Variants in HS1BP3 observed in about 807,000 individuals in gnomAD.
The protein encoded by HS1BP3 is HCLS1 binding protein 3, also known as HCLS1-binding protein 3.
In HS1BP3, 32 loss-of-function variants were observed where a neutral mutation model predicts 33.5. That is an observed-to-expected ratio of 0.95 (90% CI 0.72 to 1.28). The LOEUF is 1.28. Among genes scored for constraint, HS1BP3 ranks in the 50% most tolerant of loss-of-function variants. The pLI, the probability that HS1BP3 is intolerant of heterozygous loss-of-function variation, is 0.00. For synonymous variants in HS1BP3, 187 were observed against 209.2 expected (o/e 0.89, Z 0.92); for missense variants, 486 against 502.3 (o/e 0.97, Z 0.31).
intron 2 of HS1BP3, among the ~76,000 whole-genome samples, chr2:20,607,679 A>G (rs959322750): frequency 6.6e-6 from 1 of 152,226 alleles, no homozygotes; most frequent in African/African-American, 2.4e-5. Context: ...GAAATTGGGA[A>G]GTATAAGTCC....
At chr2:20,621,557 T>A (rs952145482) in intron 6 of HS1BP3, among the ~76,000 whole-genome samples, 1 of 152,012 alleles carries the variant, frequency 6.6e-6, no homozygotes, top group African/African-American at 2.4e-5. Flanking sequence ...CTTCCTTGAC[T>A]CCCCCAGGGC....
At chr2:20,604,065 C>A (rs1224241428) in intron 2 of HS1BP3, among the ~76,000 whole-genome samples, 2 of 152,176 alleles carry the variant, frequency 1.3e-5, no homozygotes, top group South Asian at 4.1e-4. Flanking sequence ...ATGAGTGGGG[C>A]CTGCAGATTC....
chr2:20,634,430 C>G (rs1695059251), intron 4 of HS1BP3, among the ~76,000 whole-genome samples: 2 of 152,230 alleles, frequency 1.3e-5, no homozygotes, highest in Admixed American at 1.3e-4. Flanking sequence ...CTCTGTTGCA[C>G]TGGTGGCATC....
chr2:20,593,600 T>C (rs546896867), intron 3 of HS1BP3, among the ~76,000 whole-genome samples: 14 of 152,240 alleles, frequency 9.2e-5, no homozygotes, highest in Admixed American at 2.0e-4. Flanking sequence ...CTGGTGATCC[T>C]CTTTTTCGAG....
downstream of HS1BP3, among the ~76,000 whole-genome samples, chr2:20,589,501 T>C (rs1479983974): frequency 6.6e-6 from 1 of 152,228 alleles, no homozygotes; most frequent in Non-Finnish European, 1.5e-5. Flanking sequence ...AGATCAGACC[T>C]GGCATTGGTT....
downstream of HS1BP3, among the ~76,000 whole-genome samples, chr2:20,616,763 C>T (rs949787014): frequency 6.6e-6 from 1 of 152,072 alleles, no homozygotes; most frequent in African/African-American, 2.4e-5. Context: ...ACAATCCTCT[C>T]CCCCTCTCCC....
intron 3 of HS1BP3, 63 bp from the exon 4 acceptor site, chr2:20,638,715 GC>G: frequency 7.8e-7 from 1 of 1,289,226 alleles, no homozygotes; most frequent in Non-Finnish European, 1.1e-6. Context: ...GAGGCATCTT[GC>G]CACACTGCAC....
the HS1BP3 span, among the ~76,000 whole-genome samples, chr2:20,554,406 TAACA>T: frequency 5.0e-4 from 76 of 152,268 alleles, no homozygotes; most frequent in African/African-American, 1.8e-3. Flanking sequence ...CATCACTGTC[TAACA>T]AACACGCACA....
rs753102254 is a variant in HS1BP3, at chr2:20,638,436, C to T, written c.623G>A (p.Arg208His). 5.0e-6 allele frequency: 8 copies of T among 1,613,738 alleles called. No homozygotes were observed. The Admixed American group carries it at 6.7e-5, about 13-fold the overall frequency. Reference sequence around the variant, plus strand: ...GCCCTCTCAACAACAGGAGACCAACCGCATAATGCCCAGAGGGTCCAGCGC... The same window carrying T: ...GCCCTCTCAACAACAGGAGACCAACTGCATAATGCCCAGAGGGTCCAGCGC... ...EEALDPLGIM[R>H]SKKPKKHPKV... The change falls in exon 4 of 7, where the codon CGC becomes CAC. Residue 208 changes from arginine to histidine, a missense_variant and splice_region_variant. Arg to His is a conservative substitution (Grantham distance 29, BLOSUM62 0). Transcript: ENST00000304031.
intron 5 of HS1BP3, among the ~76,000 whole-genome samples, chr2:20,574,683 G>T (rs1693357329): frequency 6.6e-6 from 1 of 152,204 alleles, no homozygotes; most frequent in Non-Finnish European, 1.5e-5. Flanking sequence ...CCACTCAGTG[G>T]GCACCTGGCT....
intron 5 of HS1BP3, among the ~76,000 whole-genome samples, chr2:20,585,733 G>A (rs144523697): frequency 4.0e-4 from 61 of 152,266 alleles, no homozygotes; most frequent in African/African-American, 1.4e-3. Context: ...CCAGCCCCAC[G>A]CTTGGCCATT....
chr2:20,571,452 C>T (rs1396274125), intron 5 of HS1BP3, among the ~76,000 whole-genome samples: 1 of 152,240 alleles, frequency 6.6e-6, no homozygotes, highest in Non-Finnish European at 1.5e-5. Flanking sequence ...GAACACTCCC[C>T]ACATTGTTCG....
intron 5 of HS1BP3, among the ~76,000 whole-genome samples, chr2:20,577,888 G>A (rs953298834): frequency 1.2e-4 from 18 of 152,258 alleles, no homozygotes; most frequent in African/African-American, 3.6e-4. Flanking sequence ...ATATGCTGAT[G>A]TATCAGAACC....
chr2:20,569,853 C>T (rs1177183874), intron 5 of HS1BP3, among the ~76,000 whole-genome samples: 1 of 152,190 alleles, frequency 6.6e-6, no homozygotes, highest in Non-Finnish European at 1.5e-5. Flanking sequence ...CCCATTTGCC[C>T]CACCGCCTCT....
At chr2:20,584,275 A>G (rs73919924) in intron 5 of HS1BP3, among the ~76,000 whole-genome samples, 6,423 of 152,254 alleles carry the variant, frequency 0.042, 436 homozygotes, top group African/African-American at 0.14. Flanking sequence ...ATGCTGGCAG[A>G]AGAGAGATGT....
chr2:20,574,142 C>G (rs1301310015), intron 5 of HS1BP3, among the ~76,000 whole-genome samples: 1 of 152,204 alleles, frequency 6.6e-6, no homozygotes, highest in African/African-American at 2.4e-5. Context: ...GTTCTCCTGA[C>G]TTCTGAGTGC....
chr2:20,641,147 A>G lies in HS1BP3; in HGVS notation c.232T>C (p.Tyr78His). 2 of 1,610,096 alleles carry G rather than the reference A, an allele frequency of 1.2e-6. No individual in the cohort carries two copies. The highest frequency in any genetic ancestry group is 1.7e-6 in the Non-Finnish European group (2 of 1,179,988). The change falls in exon 3 of 7, where the codon TAC (tyrosine) becomes CAC (histidine). Residue 78 changes from tyrosine to histidine, a missense_variant. Tyr to His is a moderately conservative substitution (Grantham distance 83). Transcript: ENST00000304031. ...GCATAACGACTGCTCAGTTTCTGGT[A>G]AAACTCCTCAATCTCGCTGTACTTT... The part of the protein sequence containing the change: ...SKKYSEIEEF[Y>H]QKLSSRYAAA...
chr2:20,649,052 C>T (rs1325578318), intron 1 of HS1BP3, among the ~76,000 whole-genome samples: 1 of 152,268 alleles, frequency 6.6e-6, no homozygotes, highest in Non-Finnish European at 1.5e-5. Context: ...TGGAAACCTA[C>T]AAGCCTGTCC....
At chr2:20,625,702 A>G (rs1012306306) in intron 4 of HS1BP3, among the ~76,000 whole-genome samples, 1 of 152,128 alleles carries the variant, frequency 6.6e-6, no homozygotes, top group African/African-American at 2.4e-5. Context: ...CGACTGGCTG[A>G]GGAGGTCCTG....
Sources: allele counts gnomAD v4.1 joint callset (sites outside exome capture counted in the v4.1 genomes callset), GRCh38; gene constraint gnomAD v4.1.1; transcripts MANE v1.5; gene names NCBI Gene and HGNC (gene_info 2026-07-23, HGNC 2026-07-21).